PTPRD: variants seen among roughly 807,000 people sequenced by gnomAD.
The protein encoded by PTPRD is protein tyrosine phosphatase receptor type D, also known as receptor-type tyrosine-protein phosphatase delta.
PTPRD carries 34 observed loss-of-function variants against 214.5 expected under a neutral mutation model. The ratio of observed to expected loss-of-function variants is 0.16; its 90% CI spans 0.12 to 0.21. The LOEUF is 0.21. PTPRD is among the 10% of genes least tolerant of loss of function. The pLI is 1.00. For missense variants in PTPRD, 2,545 were observed against 2,398.7 expected (o/e 1.06, Z -1.27); for synonymous variants, 1,128 against 845.7 (o/e 1.33, Z -5.79).
chr9:8,351,742 TAAAAAAAAAAA>T (rs71317359), intron 39 of PTPRD, among the ~76,000 whole-genome samples: 4,578 of 68,536 alleles, frequency 0.067, 145 homozygotes, highest in South Asian at 0.26. Flanking sequence ...TGGCAAAGAG[TAAAAAAAAAAA>T]AAAAAAAAAA....
At chr9:10,035,922 T>C (rs1401125695) in intron 3 of PTPRD, among the ~76,000 whole-genome samples, 2 of 151,468 alleles carry the variant, frequency 1.3e-5, no homozygotes, top group Admixed American at 1.3e-4. Flanking sequence ...AGCGGAAATC[T>C]ATATCTTCAT....
intron 7 of PTPRD, among the ~76,000 whole-genome samples, chr9:9,716,475 G>C (rs1000567961): frequency 1.3e-5 from 2 of 151,962 alleles, no homozygotes; most frequent in Non-Finnish European, 2.9e-5. Context: ...CACCAACAGT[G>C]TAAAAGTGTT....
chr9:10,396,044 T>A (rs2098164186), intron 2 of PTPRD, among the ~76,000 whole-genome samples: 1 of 151,378 alleles, frequency 6.6e-6, no homozygotes, highest in African/African-American at 2.4e-5. Flanking sequence ...CCTGGTGCCT[T>A]TAGAACGTTC....
Position 9,054,596 on chromosome 9 carries a change from A to G in PTPRD, c.-142-35861T>C, listed in dbSNP as rs565438245. ...GCCAAGGGTGTGAGGGTCAATTCTG[A>G]GATTCTCTTATGCCCTGTTACTCAA... On this transcript the variant is annotated intron_variant, in intron 10 of 45. Coordinates refer to ENST00000381196, the MANE Select transcript of PTPRD (RefSeq NM_002839.4). 1.8e-4 allele frequency among the ~76,000 whole-genome samples: 28 copies of G among 152,240 alleles called. 1 individual carries two copies. In the East Asian group the frequency reaches 5.2e-3, roughly 28 times the overall value.
chr9:8,320,072 T>TTTA, intron 44 of PTPRD, 106 bp from the exon 45 acceptor site: 5 of 1,342,106 alleles, frequency 3.7e-6, no homozygotes, highest in Non-Finnish European at 5.0e-6. Flanking sequence ...TCCGTATCTC[T>TTTA]TTATAGCCAT....
chr9:9,262,505 G>A (rs1290010247), intron 9 of PTPRD, among the ~76,000 whole-genome samples: 1 of 151,118 alleles, frequency 6.6e-6, no homozygotes, highest in African/African-American at 2.4e-5. Context: ...GTAGCTAAAG[G>A]CTACTATATT....
intron 33 of PTPRD, among the ~76,000 whole-genome samples, chr9:8,457,324 G>A (rs1170405457): frequency 1.3e-5 from 2 of 152,004 alleles, no homozygotes; most frequent in Non-Finnish European, 2.9e-5. Context: ...TGTATTTTAA[G>A]TCATGGGCCA....
intron 10 of PTPRD, among the ~76,000 whole-genome samples, chr9:9,092,084 G>A (rs937404391): frequency 1.3e-5 from 2 of 152,088 alleles, no homozygotes; most frequent in Non-Finnish European, 2.9e-5. Context: ...CATGGTGAAG[G>A]TTTATAATGT....
At chr9:8,661,895 T>G (rs1301495992) in intron 12 of PTPRD, among the ~76,000 whole-genome samples, 1 of 152,210 alleles carries the variant, frequency 6.6e-6, no homozygotes, top group Non-Finnish European at 1.5e-5. Context: ...TAATTAAGTA[T>G]TTGGTCTACA....
At chr9:8,532,838 C>A (rs1456907360) in intron 14 of PTPRD, among the ~76,000 whole-genome samples, 2 of 151,888 alleles carry the variant, frequency 1.3e-5, no homozygotes, top group Non-Finnish European at 2.9e-5. Flanking sequence ...AAATATAGCA[C>A]CCTCTTTGAA....
At chr9:9,508,958 C>T (rs529684667) in intron 8 of PTPRD, among the ~76,000 whole-genome samples, 46 of 151,512 alleles carry the variant, frequency 3.0e-4, no homozygotes, top group Admixed American at 5.3e-4. Context: ...TTACTGCGTT[C>T]GCTAAATATG....
intron 3 of PTPRD, among the ~76,000 whole-genome samples, chr9:10,155,935 GA>G (rs1408843038): frequency 6.6e-6 from 1 of 151,960 alleles, no homozygotes; most frequent in Non-Finnish European, 1.5e-5. Context: ...GGCATGTTTG[GA>G]TATCAGGATG....
intron 12 of PTPRD, among the ~76,000 whole-genome samples, chr9:8,665,455 C>T (rs2097151664): frequency 6.6e-6 from 1 of 152,104 alleles, no homozygotes; most frequent in East Asian, 1.9e-4. Context: ...TTTTGTTTTC[C>T]ATGAGCTGAT....
At chr9:10,265,434 C>T (rs539677118) in intron 3 of PTPRD, among the ~76,000 whole-genome samples, 1 of 152,170 alleles carries the variant, frequency 6.6e-6, no homozygotes, top group African/African-American at 2.4e-5. Flanking sequence ...CAGGAAAAGC[C>T]ATTATAGAAT....
chr9:10,300,114 A>G (rs1740808646), intron 3 of PTPRD, among the ~76,000 whole-genome samples: 1 of 152,222 alleles, frequency 6.6e-6, no homozygotes, highest in Non-Finnish European at 1.5e-5. Flanking sequence ...CTGTATCAAC[A>G]GCTGATTAAT....
At chr9:9,527,404 AC>A (rs1229419159) in intron 8 of PTPRD, among the ~76,000 whole-genome samples, 1 of 152,216 alleles carries the variant, frequency 6.6e-6, no homozygotes, top group Non-Finnish European at 1.5e-5. Context: ...TTGTTGTGGC[AC>A]CATGTCACTA....
chr9:8,465,390 A>G, intron 32 of PTPRD, 76 bp downstream of exon 32: 2 of 1,368,706 alleles, frequency 1.5e-6, no homozygotes, highest in Admixed American at 3.6e-5. Context: ...TATACCCACA[A>G]ATCCCCAAAT....
At position 10,444,846 on chromosome 9, in the gene PTPRD, T is replaced by C. The variant is rs565332276; in HGVS notation, c.-599-103829A>G. Among the ~76,000 whole-genome samples, 259 of 152,118 alleles carry C rather than the reference T, an allele frequency of 1.7e-3. 1 individual carries two copies. The highest frequency in any genetic ancestry group is 5.6e-3 in the African/African-American group (233 of 41,554). On this transcript the variant is annotated intron_variant, in intron 2 of 45. Coordinates refer to ENST00000381196, the MANE Select transcript of PTPRD (RefSeq NM_002839.4). ...GTGTTTAAAATTAACTAACTTTTTC[T>C]AATTTTTAAAATTGTTTCATGCATT...
At chr9:8,376,506 A>C in intron 38 of PTPRD, 101 bp downstream of exon 38, 1 of 1,530,928 alleles carries the variant, frequency 6.5e-7, no homozygotes, top group Non-Finnish European at 8.9e-7. Context: ...TGCCATTGAG[A>C]TCAAGATTTA....
Sources: gnomAD v4.1 joint callset for allele counts (sites outside exome capture counted in the v4.1 genomes callset) on GRCh38, gnomAD v4.1.1 for gene constraint, MANE v1.5 for transcripts, NCBI Gene and HGNC (gene_info 2026-07-23, HGNC 2026-07-21) for gene names.